The following ITPR1 variants were observed in gnomAD, a reference collection of about 807,000 sequenced individuals.
The protein encoded by ITPR1 is inositol 1,4,5-trisphosphate receptor type 1.
A neutral mutation model predicts 318.4 loss-of-function variants in ITPR1; 96 were observed. The ratio of observed to expected loss-of-function variants is 0.30; its 90% confidence interval spans 0.26 to 0.36. ITPR1 has a LOEUF of 0.36. Ranked by LOEUF, ITPR1 falls within the 10% of genes least tolerant of loss-of-function variation. The probability of loss-of-function intolerance (pLI) is 1.00; values close to 1 mark genes in which losing one functional copy is unlikely to be tolerated. For missense variants in ITPR1, 2,440 were observed against 3,460.2 expected, an observed-to-expected ratio of 0.71 and a Z score of 7.40; for synonymous variants, 1,312 against 1,289.9, an observed-to-expected ratio of 1.02 and a Z score of -0.37.
chr3:4,655,067 C>T (rs925279685), intron 12 of ITPR1, among the ~76,000 whole-genome samples: 2 of 152,186 alleles, frequency 1.3e-5, no homozygotes, highest in African/African-American at 4.8e-5. Flanking sequence ...TCTGTCAGTG[C>T]ATGAGGAACT....
rs955322503 is a variant in ITPR1, at chr3:4,633,010, C to T, written c.279+5132C>T. 3.6e-5 allele frequency among the ~76,000 whole-genome samples: 5 copies of T among 138,268 alleles called. No individual in the cohort carries two copies. The East Asian group carries it at 8.4e-4, about 23-fold the overall frequency. 90.7% of individuals were successfully genotyped at this position (138,268 alleles called of 152,430 possible). On this transcript the variant is annotated intron_variant, in intron 5 of 61. Transcript: ENST00000649015. ...CTGGAGTGTAGTGGCACGATCTCAGCTCACTGCAACCTCCACCTCCCGGGT... is the reference window on the plus strand; with the variant it reads ...CTGGAGTGTAGTGGCACGATCTCAGTTCACTGCAACCTCCACCTCCCGGGT...
chr3:4,711,555 G>A (rs1313584280), intron 38 of ITPR1: 1 of 548,600 alleles, frequency 1.8e-6, no homozygotes, highest in Admixed American at 3.2e-5. Context: ...TGTTTGCTGT[G>A]ATTTACCAGC....
intron 5 of ITPR1, 141 bp from the exon 6 acceptor site, chr3:4,639,243 T>C: frequency 1.6e-6 from 1 of 637,786 alleles, no homozygotes; most frequent in South Asian, 2.1e-5. Context: ...GGCTCATTTC[T>C]TGAAGCCTCA....
chr3:4,692,063 C>T (rs2125246794), intron 32 of ITPR1, among the ~76,000 whole-genome samples: 1 of 152,030 alleles, frequency 6.6e-6, no homozygotes, highest in Non-Finnish European at 1.5e-5. Context: ...ATCCCTTGAG[C>T]CCAGGATTTT....
chr3:4,602,029 T>C (rs76581126), intron 4 of ITPR1, among the ~76,000 whole-genome samples: 1 of 152,134 alleles, frequency 6.6e-6, no homozygotes, highest in Non-Finnish European at 1.5e-5. Context: ...GTAAAAAAGA[T>C]GTACAATAAT....
chr3:4,757,023 G>C (rs1264303940), intron 44 of ITPR1, among the ~76,000 whole-genome samples: 1 of 152,206 alleles, frequency 6.6e-6, no homozygotes, highest in Non-Finnish European at 1.5e-5. Flanking sequence ...ATGGCAGGTG[G>C]TAAGACCCTC....
chr3:4,827,714 C>T (rs1309816782), intron 60 of ITPR1, among the ~76,000 whole-genome samples: 1 of 152,006 alleles, frequency 6.6e-6, no homozygotes, highest in Non-Finnish European at 1.5e-5. Flanking sequence ...GATAGGAGTT[C>T]GTGAAATATG....
At chr3:4,662,607 C>G (rs1471261767) in intron 15 of ITPR1, among the ~76,000 whole-genome samples, 1 of 152,092 alleles carries the variant, frequency 6.6e-6, no homozygotes, top group African/African-American at 2.4e-5. Flanking sequence ...CCTGTAATCC[C>G]AGCTCCTCAG....
chr3:4,791,588 C>A (rs1045808922), intron 52 of ITPR1, among the ~76,000 whole-genome samples: 1 of 152,152 alleles, frequency 6.6e-6, no homozygotes, highest in Non-Finnish European at 1.5e-5. Flanking sequence ...AACTGGTCTG[C>A]GGCCCCAGGG....
At chr3:4,842,391 G>A (rs1343938640) in intron 61 of ITPR1, among the ~76,000 whole-genome samples, 1 of 152,112 alleles carries the variant, frequency 6.6e-6, no homozygotes, top group Non-Finnish European at 1.5e-5. Context: ...TTTTTGAGAC[G>A]GAGTCTCCCT....
At chr3:4,662,458 C>T (rs1021807585) in intron 15 of ITPR1, among the ~76,000 whole-genome samples, 1 of 152,150 alleles carries the variant, frequency 6.6e-6, no homozygotes, top group Non-Finnish European at 1.5e-5. Flanking sequence ...TGTAGTGGCT[C>T]ACACCTGTAA....
chr3:4,767,807 T>C (rs2045917497), intron 45 of ITPR1, among the ~76,000 whole-genome samples: 1 of 152,234 alleles, frequency 6.6e-6, no homozygotes, highest in East Asian at 1.9e-4. Flanking sequence ...GCCACTGCGC[T>C]GGACTGTTCA....
rs143257572 is a variant in ITPR1 at position 4,541,923 on chromosome 3, C to T, written c.163+20829C>T. ...ATAGGCATGAGCCACTGCGCCCAGC[C>T]GCTTTAGGCTATTTTTTAATCTCGC... On this transcript the variant is annotated intron_variant, in intron 4 of 61. Coordinates refer to ENST00000649015, the MANE Select transcript of ITPR1 (RefSeq NM_001378452.1). Among the ~76,000 whole-genome samples the T allele has an allele frequency of 3.7e-3, 566 of 152,298 alleles. 1 individual carries two copies. Among genetic ancestry groups the T allele is most frequent in the Non-Finnish European group, 6.0e-3 (406 of 68,032 alleles).
At position 4,602,550 on chromosome 3, in the gene ITPR1, C is replaced by T. The variant is rs1193241753; in HGVS notation, c.164-25213C>T. On this transcript the variant is annotated intron_variant, in intron 4 of 61. Transcript: ENST00000649015. ...TCAGAAAAAAAAAAAAAAAAAAAAACTTGTACATAAACATTTATAGCAACA... is the reference window on the plus strand; with the variant it reads ...TCAGAAAAAAAAAAAAAAAAAAAAATTTGTACATAAACATTTATAGCAACA... 3.1e-5 allele frequency among the ~76,000 whole-genome samples: 4 copies of T among 130,938 alleles called. No homozygotes were observed. In the East Asian group the frequency reaches 8.8e-4, roughly 29 times the overall value. The allele number at this position is 130,938 out of a possible 152,430, so 85.9% of individuals were successfully genotyped here.
At chr3:4,696,269 CCA>C (rs1423049565) in intron 33 of ITPR1, among the ~76,000 whole-genome samples, 1 of 152,164 alleles carries the variant, frequency 6.6e-6, no homozygotes, top group African/African-American at 2.4e-5. Flanking sequence ...CAGTCACTTC[CCA>C]TTTCCTGCCA....
At chr3:4,554,427 A>G (rs2125005174) in intron 4 of ITPR1, among the ~76,000 whole-genome samples, 1 of 152,288 alleles carries the variant, frequency 6.6e-6, no homozygotes, top group East Asian at 1.9e-4. Context: ...GTATTGGCCT[A>G]GTTAGTAAAT....
intron 4 of ITPR1, among the ~76,000 whole-genome samples, chr3:4,614,349 G>A (rs909231945): frequency 5.9e-5 from 9 of 152,190 alleles, no homozygotes; most frequent in East Asian, 1.9e-4. Context: ...GTCTTCCAGC[G>A]TTGCAGTGTA....
At chr3:4,699,986 C>G (rs759481925) in intron 35 of ITPR1, 45 bp downstream of exon 35, 5 of 1,580,774 alleles carry the variant, frequency 3.2e-6, no homozygotes, top group Non-Finnish European at 4.3e-6. Context: ...GATACACCTT[C>G]TGCAGTTGGG....
At chr3:4,540,302 C>T (rs1292667587) in intron 4 of ITPR1, among the ~76,000 whole-genome samples, 1 of 152,004 alleles carries the variant, frequency 6.6e-6, no homozygotes, top group Non-Finnish European at 1.5e-5. Context: ...TATTAATATA[C>T]CTACACCAGA....
Sources: allele counts gnomAD v4.1 joint callset (sites outside exome capture counted in the v4.1 genomes callset), GRCh38; gene constraint gnomAD v4.1.1; transcripts MANE v1.5; gene names NCBI Gene and HGNC (gene_info 2026-07-23, HGNC 2026-07-21).